The following GIGYF2 variants were observed in gnomAD, a reference collection of about 807,000 sequenced individuals.
GIGYF2 encodes the protein GRB10-interacting GYF protein 2.
Under a neutral mutation model 208.1 loss-of-function variants are expected in GIGYF2, and 25 were observed. The ratio of observed to expected loss-of-function variants is 0.12; its 90% CI spans 0.09 to 0.17. GIGYF2 has a LOEUF of 0.17. Ranked by LOEUF, GIGYF2 falls within the 10% of genes least tolerant of loss-of-function variation. GIGYF2 has a pLI of 1.00. For synonymous variants in GIGYF2, 534 were observed against 543.8 expected (o/e 0.98, Z 0.25); for missense variants, 1,302 against 1,579.4 (o/e 0.82, Z 2.98).
At chr2:232,738,041 T>G (rs1697812727) in intron 3 of GIGYF2, among the ~76,000 whole-genome samples, 1 of 151,156 alleles carries the variant, frequency 6.6e-6, no homozygotes, top group South Asian at 2.1e-4. Context: ...CTCAACCTCC[T>G]GAGTAGCTGA....
At chr2:232,764,128 A>G (rs1698854022) in intron 8 of GIGYF2, among the ~76,000 whole-genome samples, 1 of 152,248 alleles carries the variant, frequency 6.6e-6, no homozygotes, top group Non-Finnish European at 1.5e-5. Flanking sequence ...ACATGGGATC[A>G]GAATCAAGGT....
intron 5 of GIGYF2, among the ~76,000 whole-genome samples, chr2:232,754,084 G>A (rs1362250263): frequency 6.6e-6 from 1 of 151,854 alleles, no homozygotes; most frequent in Non-Finnish European, 1.5e-5. Context: ...AGAATCGCTT[G>A]AACCTGGAAG....
At position 232,809,726 on chromosome 2, in the gene GIGYF2, C is replaced by T. The variant is rs1700673847; in HGVS notation, c.1813C>T (p.Leu605=). The part of the protein sequence containing the change: ...GPAPPPHMGE[L]DQERLTRQQE... ...CTCACCACTTCATTCCTAGGGAGAG[C>T]TGGACCAGGAACGACTGACCAGGCA... The change falls in exon 16 of 29, where the codon CTG becomes TTG. Residue 605 remains leucine, a synonymous_variant. Transcript: ENST00000373563. 6.3e-7 allele frequency: 1 copy of T among 1,598,498 alleles called. No homozygotes were observed. The highest frequency in any genetic ancestry group is 8.6e-7 in the Non-Finnish European group (1 of 1,165,736).
intron 8 of GIGYF2, among the ~76,000 whole-genome samples, chr2:232,781,322 A>ACACACACAC (rs1559427073): frequency 8.7e-5 from 13 of 149,692 alleles, no homozygotes; most frequent in South Asian, 4.2e-4. Flanking sequence ...ACACACACAC[A>ACACACACAC]ACTTATAAAG....
rs574966037 is a variant in GIGYF2 at position 232,722,536 on chromosome 2, A to G, written c.-43-12619A>G. 5.9e-5 allele frequency: 9 copies of G among 152,282 alleles called. No homozygotes were observed. In the East Asian group the frequency reaches 1.5e-3, roughly 26 times the overall value. 9.4% of individuals were successfully genotyped at this position (152,282 alleles called of 1,614,324 possible). ...CAAACCCTAACCATATCACTTCTCT[A>G]TCTTTATTGGTCTTTAGAGATACTG... is the stretch of plus-strand genomic sequence containing the variant. On this transcript the variant is annotated intron_variant, in intron 2 of 28. Transcript: ENST00000373563.
chr2:232,806,457 T>G lies in GIGYF2; in HGVS notation c.1640-34T>G. 6.8e-7 allele frequency: 1 copy of G among 1,465,680 alleles called. No individual in the cohort carries two copies. The highest frequency in any genetic ancestry group is 2.3e-5 in the East Asian group (1 of 44,210). 90.8% of individuals were successfully genotyped at this position (1,465,680 alleles called of 1,614,324 possible). A position where few individuals can be genotyped will look rare whatever the true frequency, so the allele number is the denominator to read the frequency against. ...TTTCTCTTTGAGTCTGAAAGGTTTC[T>G]TATTGTCTTTCTGTTTAATTGGTGC... On this transcript the variant is annotated intron_variant, in intron 14 of 28. Transcript: ENST00000373563. This position sits in a 1 kb window ranked among gnomAD's most constrained non-coding sequence, Gnocchi z 4.0.
intron 15 of GIGYF2, among the ~76,000 whole-genome samples, chr2:232,809,152 C>G (rs570965187): frequency 6.6e-6 from 1 of 152,252 alleles, no homozygotes; most frequent in Admixed American, 6.5e-5. Flanking sequence ...ATCATGTTGG[C>G]CAGGCTGATC....
intron 2 of GIGYF2, among the ~76,000 whole-genome samples, chr2:232,708,541 T>G (rs1203330990): frequency 6.6e-6 from 1 of 152,076 alleles, no homozygotes; most frequent in Non-Finnish European, 1.5e-5. Flanking sequence ...GTGGGTTTGA[T>G]CTTTTGTCAC....
At chr2:232,778,477 C>G (rs1303406623) in intron 8 of GIGYF2, among the ~76,000 whole-genome samples, 1 of 152,154 alleles carries the variant, frequency 6.6e-6, no homozygotes, top group African/African-American at 2.4e-5. Context: ...CTCTGAAGTG[C>G]CCACTTAGGA....
At chr2:232,735,297 T>G in intron 3 of GIGYF2, 59 bp downstream of exon 3, 1 of 1,189,328 alleles carries the variant, frequency 8.4e-7, no homozygotes, top group Non-Finnish European at 1.3e-6. Context: ...TAGTAAAGTA[T>G]TTGACAGGTG....
At chr2:232,817,340 T>C (rs964326887) in intron 20 of GIGYF2, among the ~76,000 whole-genome samples, 3 of 152,230 alleles carry the variant, frequency 2.0e-5, no homozygotes, top group Non-Finnish European at 2.9e-5. Flanking sequence ...ATGTGCAGCA[T>C]TAAATGTCAA....
chr2:232,809,838 A>G lies in GIGYF2; in HGVS notation c.1898+27A>G, dbSNP rs979175041. The G allele has an allele frequency of 9.1e-6, 11 of 1,206,670 alleles. No homozygotes were observed. The African/African-American group carries it at 1.0e-4, about 11-fold the overall frequency. 74.7% of individuals were successfully genotyped at this position (1,206,670 alleles called of 1,614,324 possible). On this transcript the variant is annotated intron_variant, in intron 16 of 28. Coordinates refer to ENST00000373563, the MANE Select transcript of GIGYF2 (RefSeq NM_001103146.3). ...TAAGAAGAGTAATGCAGTAGGATGT[A>G]CTGCAGCATGAAAAAGGACTTTAAA...
intron 8 of GIGYF2, among the ~76,000 whole-genome samples, chr2:232,784,598 G>GGATGAT (rs1699849940): frequency 6.6e-6 from 1 of 151,294 alleles, no homozygotes; most frequent in East Asian, 1.9e-4. Flanking sequence ...CATCGTGTTA[G>GGATGAT]CTTGATCTGA....
chr2:232,845,931 G>A, intron 26 of GIGYF2, 45 bp downstream of exon 26: 4 of 1,351,710 alleles, frequency 3.0e-6, no homozygotes, highest in Non-Finnish European at 4.2e-6. Context: ...TGACAGAGCA[G>A]GACCCACAGA....
At chr2:232,845,957 G>C in intron 26 of GIGYF2, 71 bp downstream of exon 26, 1 of 1,016,338 alleles carries the variant, frequency 9.8e-7, no homozygotes, top group South Asian at 1.3e-5. Flanking sequence ...TGGCAAATTT[G>C]AACAGTGGGC....
At chr2:232,721,494 T>TG (rs1696940956) in intron 2 of GIGYF2, among the ~76,000 whole-genome samples, 1 of 152,246 alleles carries the variant, frequency 6.6e-6, no homozygotes, top group Non-Finnish European at 1.5e-5. Context: ...CACTATGGTA[T>TG]GTCAGGATGC....
intron 22 of GIGYF2, among the ~76,000 whole-genome samples, chr2:232,837,499 G>T (rs1701675862): frequency 6.6e-6 from 1 of 152,158 alleles, no homozygotes; most frequent in South Asian, 2.1e-4. Flanking sequence ...CTGTCGCCCA[G>T]GCTGGAGTGC....
intron 5 of GIGYF2, among the ~76,000 whole-genome samples, chr2:232,750,739 G>GTGTA (rs1384124858): frequency 3.3e-5 from 5 of 151,422 alleles, no homozygotes; most frequent in Non-Finnish European, 7.4e-5. Flanking sequence ...CTCTGTGTGT[G>GTGTA]TGTGTGTGTG....
intron 21 of GIGYF2, among the ~76,000 whole-genome samples, chr2:232,832,204 G>A (rs895144698): frequency 6.6e-6 from 1 of 152,168 alleles, no homozygotes; most frequent in African/African-American, 2.4e-5. Context: ...ATATGATATG[G>A]GTAAGACAAA....
Sources: allele counts gnomAD v4.1 joint callset (sites outside exome capture counted in the v4.1 genomes callset), GRCh38; gene constraint gnomAD v4.1.1; non-coding constraint Gnocchi (gnomAD v3.1); transcripts MANE v1.5; gene names NCBI Gene and HGNC (gene_info 2026-07-23, HGNC 2026-07-21).